Variants in ADGRE3 observed in about 807,000 individuals in gnomAD.
ADGRE3 encodes adhesion G protein-coupled receptor E3.
ADGRE3 carries 88 observed loss-of-function variants against 80.1 expected under a neutral mutation model. That is an observed-to-expected ratio of 1.10 (90% CI 0.93 to 1.31). ADGRE3 has a LOEUF of 1.31. Ranked by LOEUF, ADGRE3 falls within the 40% of genes most tolerant of loss-of-function variation. ADGRE3 has a pLI of 0.00. For missense variants in ADGRE3, 715 were observed against 776.5 expected (o/e 0.92, Z 0.94); for synonymous variants, 281 against 294.8 (o/e 0.95, Z 0.48).
At position 14,626,765 on chromosome 19, in the gene ADGRE3, A is replaced by G. The variant is rs73925687; in HGVS notation, c.1813-1166T>C. On this transcript the variant is annotated intron_variant, in intron 14 of 15. Transcript: ENST00000253673. Reference sequence around the variant, plus strand: ...GGGAATCTGGGGCTCAGCCCCATTCAGGAGCTCTGGGGTAGAGCATGGAAC... The same window carrying G: ...GGGAATCTGGGGCTCAGCCCCATTCGGGAGCTCTGGGGTAGAGCATGGAAC... Among the ~76,000 whole-genome samples, 309 of 152,302 alleles carry G rather than the reference A, an allele frequency of 2.0e-3. 2 individuals carry two copies. The highest frequency in any genetic ancestry group is 6.9e-3 in the African/African-American group (288 of 41,570).
rs747383330 is a variant in ADGRE3 at position 14,630,042 on chromosome 19, C to G, written c.1809G>C (p.Gln603His). The change falls in exon 14 of 16, where the codon CAG (glutamine) becomes CAC (histidine). Residue 603 changes from glutamine to histidine, a missense_variant. Coordinates refer to ENST00000253673, the MANE Select transcript of ADGRE3 (RefSeq NM_032571.5). ...AAAGAAAGGGGTCAGTGTTTACCTG[C>G]TGGCTGAGGAGGCAGTAGACCAAGA... ...FIFLVYCLLS[Q>H]QVQKQYQKWF... 7 of 1,601,560 alleles carry G rather than the reference C, an allele frequency of 4.4e-6. No individual in the cohort carries two copies. The highest frequency in any genetic ancestry group is 6.0e-6 in the Non-Finnish European group (7 of 1,173,946).
intron 15 of ADGRE3, among the ~76,000 whole-genome samples, chr19:14,624,926 C>T (rs933229491): frequency 5.9e-5 from 9 of 151,696 alleles, no homozygotes; most frequent in Middle Eastern, 3.4e-3. Context: ...TGTTAGGGGA[C>T]GTTGGAGGGG....
At chr19:14,629,275 A>T (rs1216107753) in intron 14 of ADGRE3, among the ~76,000 whole-genome samples, 2 of 152,254 alleles carry the variant, frequency 1.3e-5, no homozygotes, top group Non-Finnish European at 1.5e-5. Flanking sequence ...GTTTTTTTCC[A>T]TGTAACTTAA....
chr19:14,617,257 T>C (rs959081354), downstream of ADGRE3, among the ~76,000 whole-genome samples: 2 of 151,720 alleles, frequency 1.3e-5, no homozygotes, highest in African/African-American at 4.8e-5. Flanking sequence ...TTTTCTTTCT[T>C]CCTTCCTTCC....
At chr19:14,633,177 T>C (rs1599611491) in intron 12 of ADGRE3, 59 bp downstream of exon 12, 4 of 1,493,022 alleles carry the variant, frequency 2.7e-6, no homozygotes, top group South Asian at 1.2e-5. Context: ...TGTACCATCT[T>C]GTACCCAGCA....
intron 15 of ADGRE3, among the ~76,000 whole-genome samples, chr19:14,620,548 T>TATATATATATTATATATATATATATA: frequency 4.0e-5 from 1 of 24,982 alleles, no homozygotes; most frequent in Non-Finnish European, 6.2e-5. Flanking sequence ...TATATATATA[T>TATATATATATTATATATATATATATA]TATATATATA....
Position 14,625,600 on chromosome 19 carries a change from C to T in ADGRE3, c.1813-1G>A, listed in dbSNP as rs1364799016. On this transcript the variant is annotated splice_acceptor_variant, in intron 14 of 15. Coordinates refer to ENST00000253673, the MANE Select transcript of ADGRE3 (RefSeq NM_032571.5). LOFTEE classifies it high-confidence loss of function. ...ACCACTTTTGATATTGTTTCTGGACCTGGAACATCAAAGGAAATACCTGGA... is the reference window on the plus strand; with the variant it reads ...ACCACTTTTGATATTGTTTCTGGACTTGGAACATCAAAGGAAATACCTGGA... 4.4e-6 allele frequency: 7 copies of T among 1,600,674 alleles called. No individual in the cohort carries two copies. Among genetic ancestry groups the T allele is most frequent in the Non-Finnish European group, 6.0e-6 (7 of 1,168,460 alleles).
chr19:14,641,311 TC>T, intron 10 of ADGRE3, 107 bp downstream of exon 10: 1 of 1,345,594 alleles, frequency 7.4e-7, no homozygotes, highest in Non-Finnish European at 1.0e-6. Flanking sequence ...TATATTTTTC[TC>T]CTCTACAGAC....
intron 1 of ADGRE3, among the ~76,000 whole-genome samples, chr19:14,669,828 G>A (rs1039000747): frequency 5.3e-5 from 8 of 152,198 alleles, no homozygotes; most frequent in Non-Finnish European, 1.0e-4. Flanking sequence ...ATACCCAGTA[G>A]CGGGATTTCT....
chr19:14,610,447 T>TCCCACTC, the ADGRE3 span: 18 of 511,138 alleles, frequency 3.5e-5, no homozygotes, highest in South Asian at 3.8e-4. Flanking sequence ...GTCTCCCACT[T>TCCCACTC]CTGGGGTTGA....
In ADGRE3 at chr19:14,644,276, C is replaced by G. The variant is rs763890812; in HGVS notation, c.883-1G>C. On this transcript the variant is annotated splice_acceptor_variant, in intron 8 of 15. Transcript: ENST00000253673. LOFTEE classifies it high-confidence loss of function. The stretch of plus-strand genomic sequence containing the variant: ...AGACCTTTTTGGTACTGGGGGTCAT[C>G]TGAAAATAGAAAATAGAAAGGGCTC... The G allele has an allele frequency of 4.0e-6, 6 of 1,500,432 alleles. No individual in the cohort carries two copies. The South Asian group carries it at 7.7e-5, about 19-fold the overall frequency. 92.9% of individuals were successfully genotyped at this position (1,500,432 alleles called of 1,614,324 possible).
intron 7 of ADGRE3, among the ~76,000 whole-genome samples, chr19:14,647,943 G>T (rs941145630): frequency 6.6e-6 from 1 of 151,726 alleles, no homozygotes; most frequent in African/African-American, 2.4e-5. Flanking sequence ...TTAGCTGGTT[G>T]TGGTGGCACA....
chr19:14,663,243 T>A (rs925633592), intron 3 of ADGRE3, among the ~76,000 whole-genome samples, 175 bp downstream of exon 3: 12 of 152,038 alleles, frequency 7.9e-5, no homozygotes, highest in Admixed American at 7.9e-4. Flanking sequence ...CCTCAAGTGA[T>A]CTGCCCACCT....
chr19:14,665,948 A>ACATATATG (rs1972088779), intron 2 of ADGRE3, among the ~76,000 whole-genome samples: 1 of 111,632 alleles, frequency 9.0e-6, no homozygotes, highest in East Asian at 3.1e-4. Flanking sequence ...ATATATATAT[A>ACATATATG]TATATATATA....
rs867150222 is a variant in ADGRE3 at position 14,647,234 on chromosome 19, T to A, written c.829A>T (p.Lys277Ter). 1.2e-6 allele frequency: 2 copies of A among 1,614,026 alleles called. No homozygotes were observed. The highest frequency in any genetic ancestry group is 1.7e-6 in the Non-Finnish European group (2 of 1,179,952). ...SQVVSAAIGP[K>*]RNVSLSKSVT... ...GACTTGGAGAGAGACACGTTCCTTTTGGGTCCAATAGCAGCACTCACAACC... is the reference window on the plus strand; with the variant it reads ...GACTTGGAGAGAGACACGTTCCTTTAGGGTCCAATAGCAGCACTCACAACC... Residue 277 changes from lysine to a stop codon, truncating the protein, a stop_gained, in exon 8 of 16, where the codon AAA becomes TAA. Transcript: ENST00000253673. LOFTEE classifies it high-confidence loss of function.
intron 13 of ADGRE3, among the ~76,000 whole-genome samples, chr19:14,630,501 A>T (rs1970852622): frequency 6.6e-6 from 1 of 151,896 alleles, no homozygotes; most frequent in South Asian, 2.1e-4. Flanking sequence ...CTCCACCTCC[A>T]GGGTTCAAGT....
rs1454804385 is a variant in ADGRE3, at chr19:14,663,548, G to C, written c.77-8C>G. On this transcript the variant is annotated splice_region_variant and splice_polypyrimidine_tract_variant and intron_variant, in intron 2 of 15. Coordinates refer to ENST00000253673, the MANE Select transcript of ADGRE3 (RefSeq NM_032571.5). ...GGCACTTAGCACAGGAAGCTGCAGGGAGAAGAGAGGCAGGTTAAATGGACT... is the reference window on the plus strand; with the variant it reads ...GGCACTTAGCACAGGAAGCTGCAGGCAGAAGAGAGGCAGGTTAAATGGACT... The C allele has an allele frequency of 6.2e-7, 1 of 1,611,656 alleles. No individual in the cohort carries two copies. The highest frequency in any genetic ancestry group is 2.2e-5 in the East Asian group (1 of 44,784).
At chr19:14,665,166 C>G (rs780457715) in intron 2 of ADGRE3, among the ~76,000 whole-genome samples, 2 of 149,338 alleles carry the variant, frequency 1.3e-5, no homozygotes, top group African/African-American at 4.9e-5. Flanking sequence ...TGGGTTCATG[C>G]CATTCTCCTG....
At chr19:14,651,318 G>T in intron 6 of ADGRE3, 114 bp from the exon 7 acceptor site, 3 of 1,174,772 alleles carry the variant, frequency 2.6e-6, no homozygotes, top group Non-Finnish European at 3.7e-6. Flanking sequence ...AAGAGGCTGA[G>T]GCAGAAGGAT....
Sources: allele counts gnomAD v4.1 joint callset (sites outside exome capture counted in the v4.1 genomes callset), GRCh38; gene constraint gnomAD v4.1.1; transcripts MANE v1.5; gene names NCBI Gene and HGNC (gene_info 2026-07-23, HGNC 2026-07-21).